Variants in DUSP10 observed in about 807,000 individuals in gnomAD.
The protein encoded by DUSP10 is dual specificity phosphatase 10.
In DUSP10, 14 loss-of-function variants were observed where a neutral mutation model predicts 30.8. The ratio of observed to expected loss-of-function variants is 0.46; its 90% CI spans 0.30 to 0.71. DUSP10 has a LOEUF of 0.71. Among genes scored for constraint, DUSP10 ranks in the 30% least tolerant of loss-of-function variants. The pLI is 0.08. For missense variants in DUSP10, 550 were observed against 619.4 expected (o/e 0.89, Z 1.19); for synonymous variants, 254 against 250.4 (o/e 1.01, Z -0.14).
At chr1:221,703,467 TC>T (rs1040375730) in intron 3 of DUSP10, among the ~76,000 whole-genome samples, 1 of 152,178 alleles carries the variant, frequency 6.6e-6, no homozygotes, top group African/African-American at 2.4e-5. Context: ...GTTCAGCTTC[TC>T]CCCAGAAAAT....
intron 2 of DUSP10, among the ~76,000 whole-genome samples, chr1:221,713,276 T>C (rs1306481245): frequency 2.0e-5 from 3 of 152,162 alleles, no homozygotes; most frequent in Non-Finnish European, 2.9e-5. Flanking sequence ...GCTGTTAGCC[T>C]AGTCTACACT....
chr1:221,738,590 T>C (rs570939882), intron 2 of DUSP10, among the ~76,000 whole-genome samples: 1 of 152,174 alleles, frequency 6.6e-6, no homozygotes, highest in Admixed American at 6.5e-5. Flanking sequence ...AGTGATTGAT[T>C]GGAATAGAGC....
At chr1:221,704,258 T>C (rs765704897) in intron 3 of DUSP10, among the ~76,000 whole-genome samples, 1 of 151,898 alleles carries the variant, frequency 6.6e-6, no homozygotes. Flanking sequence ...CCTATGCAGG[T>C]TGTGATATGG....
intron 2 of DUSP10, among the ~76,000 whole-genome samples, chr1:221,714,817 G>A (rs1469626757): frequency 1.3e-5 from 2 of 152,056 alleles, no homozygotes; most frequent in South Asian, 2.1e-4. Flanking sequence ...AACGAACCCC[G>A]GTTATTTAAC....
intron 2 of DUSP10, among the ~76,000 whole-genome samples, chr1:221,733,520 C>G (rs1661676684): frequency 1.3e-5 from 2 of 152,220 alleles, no homozygotes; most frequent in African/African-American, 4.8e-5. Flanking sequence ...AACAGGCTCC[C>G]ACAGTACTGT....
chr1:221,714,364 A>G (rs1661030579), intron 2 of DUSP10, among the ~76,000 whole-genome samples: 1 of 152,218 alleles, frequency 6.6e-6, no homozygotes, highest in Non-Finnish European at 1.5e-5. Flanking sequence ...AGCTGCAGAC[A>G]CAGACAAGCA....
chr1:221,703,758 C>CGAAG (rs1660677600), intron 3 of DUSP10, among the ~76,000 whole-genome samples: 2 of 152,090 alleles, frequency 1.3e-5, no homozygotes, highest in African/African-American at 4.8e-5. Context: ...AAGAAAGCTT[C>CGAAG]CTTGAAGGAA....
intron 2 of DUSP10, chr1:221,736,799 C>A (rs1661786950): frequency 1.0e-6 from 1 of 984,900 alleles, no homozygotes; most frequent in Non-Finnish European, 1.2e-6. Flanking sequence ...ATGAAATTCC[C>A]AGATATTTGA....
At chr1:221,741,111 G>T (rs1661941824) in intron 1 of DUSP10, among the ~76,000 whole-genome samples, 1 of 152,108 alleles carries the variant, frequency 6.6e-6, no homozygotes, top group African/African-American at 2.4e-5. Context: ...ACTCACGCGC[G>T]CACACGGGGC....
Position 221,706,081 on chromosome 1 carries a change from T to G in DUSP10, c.1183+14A>C. On this transcript the variant is annotated intron_variant, in intron 3 of 3. Coordinates refer to ENST00000366899, the MANE Select transcript of DUSP10 (RefSeq NM_007207.6). The surrounding 1 kb of genome is among the most constrained non-coding windows in gnomAD (Gnocchi z 4.6). Reference sequence around the variant, plus strand: ...GAAGGCAGCGGATGAAAATTCCCTATGGGAGATAGTTACCAATGAACTCAA... The same window carrying G: ...GAAGGCAGCGGATGAAAATTCCCTAGGGGAGATAGTTACCAATGAACTCAA... 6.2e-7 allele frequency: 1 copy of G among 1,608,072 alleles called. No homozygotes were observed. Among genetic ancestry groups the G allele is most frequent in the Non-Finnish European group, 8.5e-7 (1 of 1,176,168 alleles).
rs545360235 is a variant in DUSP10, at chr1:221,720,591, G to A, written c.812-14125C>T. On this transcript the variant is annotated intron_variant, in intron 2 of 3. Coordinates refer to ENST00000366899, the MANE Select transcript of DUSP10 (RefSeq NM_007207.6). Reference sequence around the variant, plus strand: ...ATCTTGTAGGACTGAGCCACAACTTGTGGGGTCTGAAGCTAACACCAGGTA... The same window carrying A: ...ATCTTGTAGGACTGAGCCACAACTTATGGGGTCTGAAGCTAACACCAGGTA... Among the ~76,000 whole-genome samples, 5 of 152,324 alleles carry A rather than the reference G, an allele frequency of 3.3e-5. No individual in the cohort carries two copies. The South Asian group carries it at 1.0e-3, about 32-fold the overall frequency.
At position 221,706,619 on chromosome 1, in the gene DUSP10, T is replaced by TAAAAC. The variant is rs946487271; in HGVS notation, c.812-158_812-154dup. Among the ~76,000 whole-genome samples the TAAAAC allele has an allele frequency of 6.6e-6, 1 of 151,648 alleles. No homozygotes were observed. On this transcript the variant is annotated intron_variant, in intron 2 of 3. Transcript: ENST00000366899. This position sits in a 1 kb window ranked among gnomAD's most constrained non-coding sequence, Gnocchi z 4.6. ...TAAGCAAAAAAAATAAAAATAAAAA[T>TAAAAC]AAAACAAAACAAAACAAAAACTAAA...
intron 2 of DUSP10, among the ~76,000 whole-genome samples, chr1:221,709,161 A>G (rs1660860630): frequency 6.6e-6 from 1 of 152,218 alleles, no homozygotes; most frequent in African/African-American, 2.4e-5. Context: ...ACAAAGACAT[A>G]CAATGACATC....
chr1:221,716,396 A>C (rs1661109339), intron 2 of DUSP10, among the ~76,000 whole-genome samples: 1 of 152,198 alleles, frequency 6.6e-6, no homozygotes, highest in Non-Finnish European at 1.5e-5. Flanking sequence ...TCCCTCTGCC[A>C]GAGGGGCAGG....
Position 221,706,166 on chromosome 1 carries a change from T to C in DUSP10, c.1112A>G (p.Lys371Arg), listed in dbSNP as rs756028984. The change falls in exon 3 of 4, where the codon AAG becomes AGG. Residue 371 changes from lysine to arginine, a missense_variant. Coordinates refer to ENST00000366899, the MANE Select transcript of DUSP10 (RefSeq NM_007207.6). The surrounding 1 kb of genome is among the most constrained non-coding windows in gnomAD (Gnocchi z 4.6). ...YHYEKGLFNY[K>R]RLPATDSNKQ... ...GTTGCTGTCAGTGGCTGGCAGCCGCTTGTAGTTGAACAGGCCTTTCTCATA... is the reference window on the plus strand; with the variant it reads ...GTTGCTGTCAGTGGCTGGCAGCCGCCTGTAGTTGAACAGGCCTTTCTCATA... The C allele has an allele frequency of 6.2e-6, 10 of 1,614,056 alleles. No homozygotes were observed. Among genetic ancestry groups the C allele is most frequent in the Non-Finnish European group, 8.5e-6 (10 of 1,179,994 alleles).
intron 2 of DUSP10, among the ~76,000 whole-genome samples, chr1:221,714,452 C>T (rs1195898470): frequency 3.3e-5 from 5 of 152,300 alleles, no homozygotes; most frequent in Admixed American, 3.3e-4. Context: ...GCGGCTCCAT[C>T]TTCCCTTCTC....
intron 2 of DUSP10, among the ~76,000 whole-genome samples, chr1:221,732,507 C>G (rs1011759843): frequency 1.6e-4 from 24 of 152,140 alleles, no homozygotes; most frequent in African/African-American, 5.8e-4. Flanking sequence ...GGCATCAGTA[C>G]TCAAAAAATC....
At chr1:221,721,790 T>C (rs1299650984) in intron 2 of DUSP10, among the ~76,000 whole-genome samples, 2 of 152,178 alleles carry the variant, frequency 1.3e-5, no homozygotes, top group African/African-American at 4.8e-5. Context: ...CTGAGGGATG[T>C]CACTGAGCAG....
chr1:221,737,739 A>G (rs148341869), intron 2 of DUSP10, among the ~76,000 whole-genome samples: 2 of 152,352 alleles, frequency 1.3e-5, no homozygotes, highest in Non-Finnish European at 2.9e-5. Context: ...AATTCCCAGA[A>G]CACTGCTTAA....
Sources: gnomAD v4.1 joint callset for allele counts (sites outside exome capture counted in the v4.1 genomes callset) on GRCh38, gnomAD v4.1.1 for gene constraint, Gnocchi (gnomAD v3.1) non-coding constraint, MANE v1.5 for transcripts, NCBI Gene and HGNC (gene_info 2026-07-23, HGNC 2026-07-21) for gene names.